The following GLIS2 variants were observed in gnomAD, a reference collection of about 807,000 sequenced individuals.
The protein encoded by GLIS2 is GLIS family zinc finger 2.
A neutral mutation model predicts 35.6 loss-of-function variants in GLIS2; 14 were observed. That is an observed-to-expected ratio of 0.39 (90% CI 0.26 to 0.61). GLIS2 has a LOEUF of 0.61. Among genes scored for constraint, GLIS2 ranks in the 20% least tolerant of loss-of-function variants. The pLI is 0.48. For missense variants in GLIS2, 675 were observed against 713.4 expected (o/e 0.95, Z 0.61); for synonymous variants, 368 against 325.1 (o/e 1.13, Z -1.42).
chr16:4,331,040 G>A (rs1399122705), intron 1 of GLIS2, among the ~76,000 whole-genome samples: 3 of 152,230 alleles, frequency 2.0e-5, no homozygotes, highest in South Asian at 4.1e-4. Flanking sequence ...GCAGTGGTGC[G>A]ATCTCGGCTC....
chr16:4,321,609 C>T (rs2053380581), intron 1 of GLIS2, among the ~76,000 whole-genome samples: 2 of 152,112 alleles, frequency 1.3e-5, no homozygotes. Flanking sequence ...CTAGTTTTCT[C>T]ATTCTGGGTT....
intron 1 of GLIS2, among the ~76,000 whole-genome samples, chr16:4,319,502 G>A (rs762971560): frequency 6.6e-6 from 1 of 152,158 alleles, no homozygotes; most frequent in Non-Finnish European, 1.5e-5. Flanking sequence ...TCACGTCTCT[G>A]GGAACTTGCG....
At chr16:4,324,485 G>A in intron 1 of GLIS2, among the ~76,000 whole-genome samples, 1 of 152,182 alleles carries the variant, frequency 6.6e-6, no homozygotes, top group Non-Finnish European at 1.5e-5. Context: ...GTTCTTTGAG[G>A]GGCATAGGCT....
chr16:4,334,518 G>T (rs188075865), intron 3 of GLIS2, among the ~76,000 whole-genome samples: 2 of 151,860 alleles, frequency 1.3e-5, no homozygotes, highest in Non-Finnish European at 2.9e-5. Context: ...GATTACAGGC[G>T]TGAGCCACCG....
rs189481658 is a variant in GLIS2 at position 4,337,923 on chromosome 16, T to G, written c.*399T>G. 1.7e-3 allele frequency: 614 copies of G among 358,880 alleles called. 5 individuals are homozygous for G. The highest frequency in any genetic ancestry group is 0.012 in the African/African-American group (566 of 47,582). The allele number at this position is 358,880 out of a possible 1,614,324, so 22.2% of individuals were successfully genotyped here. A position where few individuals can be genotyped will look rare whatever the true frequency, so the allele number is the denominator to read the frequency against. The stretch of plus-strand genomic sequence containing the variant: ...TGGGTGGGGTGGCATCTGCCCTCCC[T>G]GCTAGCACCAGGCTCCCCCTTCCTG... On this transcript the variant is annotated 3_prime_UTR_variant, in exon 7 of 7. Coordinates refer to ENST00000433375, the MANE Select transcript of GLIS2 (RefSeq NM_032575.3).
chr16:4,320,327 C>T lies in GLIS2; in HGVS notation c.-67+4073C>T, dbSNP rs1012149299. 6.6e-6 allele frequency among the ~76,000 whole-genome samples: 1 copy of T among 152,078 alleles called. No homozygotes were observed. Among genetic ancestry groups the T allele is most frequent in the African/African-American group, 2.4e-5 (1 of 41,412 alleles). ...GGAGCCTCCGGAAAACAGTCCTGCC[C>T]GTCACATGGAGGGTCCCCACCGCTG... On this transcript the variant is annotated intron_variant, in intron 1 of 6. Coordinates refer to ENST00000433375, the MANE Select transcript of GLIS2 (RefSeq NM_032575.3). This position sits in a 1 kb window ranked among gnomAD's most constrained non-coding sequence, Gnocchi z 5.6.
chr16:4,317,429 G>T (rs1362463365), intron 1 of GLIS2, among the ~76,000 whole-genome samples: 1 of 152,158 alleles, frequency 6.6e-6, no homozygotes, highest in Admixed American at 6.5e-5. Context: ...GCCTGCGGCT[G>T]GGGAGGAAGC....
chr16:4,319,220 T>C (rs1259090212), intron 1 of GLIS2, among the ~76,000 whole-genome samples: 1 of 152,120 alleles, frequency 6.6e-6, no homozygotes, highest in African/African-American at 2.4e-5. Context: ...GTTACTTTAT[T>C]TCACAGCAGG....
At chr16:4,316,477 GTCTT>G (rs1256037249) in intron 1 of GLIS2, among the ~76,000 whole-genome samples, 1 of 151,820 alleles carries the variant, frequency 6.6e-6, no homozygotes, top group Non-Finnish European at 1.5e-5. Flanking sequence ...CGAGCTCTCG[GTCTT>G]TCTTCTCCCT....
intron 1 of GLIS2, among the ~76,000 whole-genome samples, chr16:4,324,250 A>T (rs991654981): frequency 1.3e-5 from 2 of 152,124 alleles, no homozygotes; most frequent in African/African-American, 4.8e-5. Context: ...CCACTCTTCC[A>T]GGAAGTGCCG....
Position 4,316,979 on chromosome 16 carries a change from C to A in GLIS2, c.-67+725C>A, listed in dbSNP as rs971830080. On this transcript the variant is annotated intron_variant, in intron 1 of 6. Coordinates refer to ENST00000433375, the MANE Select transcript of GLIS2 (RefSeq NM_032575.3). ...GGGAGGAGAAGCACGCACAGCTTCC[C>A]CGCTGGCCCCCTGGGATGGGGCTGG... Among the ~76,000 whole-genome samples, 19 of 152,294 alleles carry A rather than the reference C, an allele frequency of 1.2e-4. 1 individual carries two copies. The East Asian group carries it at 3.7e-3, about 30-fold the overall frequency.
At chr16:4,326,652 G>A (rs1233614562) in intron 1 of GLIS2, among the ~76,000 whole-genome samples, 1 of 150,432 alleles carries the variant, frequency 6.6e-6, no homozygotes. Context: ...GCAGTGGTGT[G>A]ATCTCGGCTT....
rs1191375106 is a variant in GLIS2, at chr16:4,320,095, G to C, written c.-67+3841G>C. 6.6e-6 allele frequency among the ~76,000 whole-genome samples: 1 copy of C among 152,132 alleles called. No individual in the cohort carries two copies. Among genetic ancestry groups the C allele is most frequent in the Non-Finnish European group, 1.5e-5 (1 of 67,988 alleles). ...CTCGTGCCCTTTGTCTTCGGTGCTT[G>C]AGAGGCCAGGTAGTGCCCACCGCAG... On this transcript the variant is annotated intron_variant, in intron 1 of 6. Transcript: ENST00000433375. This position sits in a 1 kb window ranked among gnomAD's most constrained non-coding sequence, Gnocchi z 5.6.
In GLIS2 at chr16:4,332,459, G is replaced by A; in HGVS notation, c.172+7G>A. On this transcript the variant is annotated splice_region_variant and intron_variant, in intron 2 of 6. Transcript: ENST00000433375. This position sits in a 1 kb window ranked among gnomAD's most constrained non-coding sequence, Gnocchi z 5.4. ...CCAGGCTCCCCGCCCTCAGGTACTGGCCCTGGGCAGGGCAGGGGGACTTAG... is the reference window on the plus strand; with the variant it reads ...CCAGGCTCCCCGCCCTCAGGTACTGACCCTGGGCAGGGCAGGGGGACTTAG... The A allele has an allele frequency of 6.2e-7, 1 of 1,610,330 alleles. No homozygotes were observed. Among genetic ancestry groups the A allele is most frequent in the Non-Finnish European group, 8.5e-7 (1 of 1,179,770 alleles).
intron 6 of GLIS2, chr16:4,336,217 G>C (rs2053549585): frequency 3.7e-6 from 1 of 267,936 alleles, no homozygotes. Context: ...CATGATCTTG[G>C]CCCACTGCAA....
intron 1 of GLIS2, among the ~76,000 whole-genome samples, chr16:4,327,953 G>A (rs2053454918): frequency 6.6e-6 from 1 of 151,744 alleles, no homozygotes; most frequent in Non-Finnish European, 1.5e-5. Flanking sequence ...TGCCCTGGGC[G>A]CATCCCAGGC....
At chr16:4,336,345 C>G in intron 6 of GLIS2, 1 of 416,938 alleles carries the variant, frequency 2.4e-6, no homozygotes. Context: ...CGGGGTCTCA[C>G]CATGTTGGCC....
rs2053600936 is a variant in GLIS2, at chr16:4,339,410, A to G, written c.*1886A>G. 1 of 152,908 alleles carries G rather than the reference A, an allele frequency of 6.5e-6. No individual in the cohort carries two copies. The highest frequency in any genetic ancestry group is 1.5e-5 in the Non-Finnish European group (1 of 68,224). 9.5% of individuals were successfully genotyped at this position (152,908 alleles called of 1,614,324 possible). On this transcript the variant is annotated 3_prime_UTR_variant, in exon 7 of 7. Coordinates refer to ENST00000433375, the MANE Select transcript of GLIS2 (RefSeq NM_032575.3). ...GGTTGTCATTGGTGTGTTGTTGCAC[A>G]TTCCAGGACGTCAGTATTTTAACAG...
In GLIS2 at chr16:4,333,454, G is replaced by T. The variant is rs761567062; in HGVS notation, c.280G>T (p.Gly94Cys). ...SPPSGLDSPNGSSSLSPERQG... is the reference protein window; with the variant it reads ...SPPSGLDSPNCSSSLSPERQG... ...ACCATCTGGGCTGGACTCCCCCAATGGCAGCAGCTCGCTGTCCCCCGAGCG... is the reference window on the plus strand; with the variant it reads ...ACCATCTGGGCTGGACTCCCCCAATTGCAGCAGCTCGCTGTCCCCCGAGCG... Residue 94 changes from glycine (G) to cysteine (C), a missense_variant, in exon 3 of 7, where the codon GGC (glycine) becomes TGC (cysteine). This residue lies in a region of GLIS2 where 225 missense variants were observed against 238.7 expected (regional missense o/e 0.94). Coordinates refer to ENST00000433375, the MANE Select transcript of GLIS2 (RefSeq NM_032575.3). The T allele has an allele frequency of 6.2e-7, 1 of 1,612,770 alleles. No homozygotes were observed. The highest frequency in any genetic ancestry group is 1.3e-5 in the African/African-American group (1 of 74,924).
Sources: gnomAD v4.1 joint callset for allele counts (sites outside exome capture counted in the v4.1 genomes callset) on GRCh38, gnomAD v4.1.1 for gene constraint, gnomAD v4.1.1 regional missense constraint, Gnocchi (gnomAD v3.1) non-coding constraint, MANE v1.5 for transcripts, NCBI Gene and HGNC (gene_info 2026-07-23, HGNC 2026-07-21) for gene names.